The following CHEK1 variants were observed in gnomAD, a reference collection of about 807,000 sequenced individuals.
CHEK1 encodes checkpoint kinase 1, also known as serine/threonine-protein kinase Chk1.
Under a neutral mutation model 60.2 loss-of-function variants are expected in CHEK1, and 32 were observed. The observed-to-expected ratio is 0.53, with a 90% CI of 0.40 to 0.71. The LOEUF (loss-of-function observed/expected upper bound fraction) is 0.71. CHEK1 is among the 30% of genes least tolerant of loss of function. CHEK1 has a pLI of 0.00. For synonymous variants in CHEK1, 179 were observed against 187.2 expected (o/e 0.96, Z 0.36); for missense variants, 399 against 564.6 (o/e 0.71, Z 2.97).
At chr11:125,658,711 T>TTG (rs1941962602), downstream of CHEK1, among the ~76,000 whole-genome samples, 1 of 73,422 alleles carries the variant, frequency 1.4e-5, no homozygotes, top group Non-Finnish European at 2.7e-5. Flanking sequence ...TTTTTTTTTT[T>TTG]AAGAGTCTTG....
chr11:125,632,684 A>G (rs1940913224), intron 5 of CHEK1, among the ~76,000 whole-genome samples: 1 of 152,178 alleles, frequency 6.6e-6, no homozygotes, highest in Non-Finnish European at 1.5e-5. Flanking sequence ...CTTTGAAGAA[A>G]AAAATTACTG....
At chr11:125,657,599 C>T (rs143579826), downstream of CHEK1, among the ~76,000 whole-genome samples, 16 of 152,074 alleles carry the variant, frequency 1.1e-4, no homozygotes, top group African/African-American at 2.7e-4. Flanking sequence ...TTTTTATTAA[C>T]GAACTTTATA....
At position 125,629,299 on chromosome 11, in the gene CHEK1, A is replaced by T; in HGVS notation, c.354+3A>T. The T allele has an allele frequency of 6.2e-7, 1 of 1,614,100 alleles. No homozygotes were observed. Among genetic ancestry groups the T allele is most frequent in the Non-Finnish European group, 8.5e-7 (1 of 1,179,966 alleles). On this transcript the variant is annotated splice_donor_region_variant and intron_variant, in intron 4 of 12. Coordinates refer to ENST00000438015, the MANE Select transcript of CHEK1 (RefSeq NM_001114122.3). ...TCCATCAACTCATGGCAGGGGTGGT[A>T]GGTATAGTTGTCTATTTCCCTTTTA...
intron 11 of CHEK1, among the ~76,000 whole-genome samples, chr11:125,648,634 CTT>C (rs746598087): frequency 4.4e-4 from 60 of 136,288 alleles, no homozygotes; most frequent in Non-Finnish European, 4.9e-4. Flanking sequence ...AATTGTTTTA[CTT>C]TTTTTTTTTT....
At position 125,626,976 on chromosome 11, in the gene CHEK1, A is replaced by C; in HGVS notation, c.65+143A>C. ...TACACAGCCTTTTGCTAGGATTAAA[A>C]ATTTTTTCCTTCCCTTTAAAAAAAA... On this transcript the variant is annotated intron_variant, in intron 2 of 12. Coordinates refer to ENST00000438015, the MANE Select transcript of CHEK1 (RefSeq NM_001114122.3). 3 of 856,988 alleles carry C rather than the reference A, an allele frequency of 3.5e-6. No homozygotes were observed. The South Asian group carries it at 5.7e-5, about 16-fold the overall frequency. 53.1% of individuals were successfully genotyped at this position (856,988 alleles called of 1,614,324 possible).
Position 125,625,939 on chromosome 11 carries a change from G to C in CHEK1, c.-94G>C. ...GGCGCGGGTGCGCGAGTTTGCGGCA[G>C]CGTGACGCCCTCAAGTTTTGGCGGG... is the stretch of plus-strand genomic sequence containing the variant. On this transcript the variant is annotated 5_prime_UTR_variant, in exon 1 of 13. Transcript: ENST00000438015. 1.4e-6 allele frequency: 1 copy of C among 702,638 alleles called. No individual in the cohort carries two copies. The highest frequency in any genetic ancestry group is 2.6e-6 in the Non-Finnish European group (1 of 385,000). 43.5% of individuals were successfully genotyped at this position (702,638 alleles called of 1,614,324 possible). A position where few individuals can be genotyped will look rare whatever the true frequency, so the allele number is the denominator to read the frequency against.
chr11:125,626,570 A>G (rs1163893546), intron 1 of CHEK1, 179 bp from the exon 2 acceptor site: 1 of 589,614 alleles, frequency 1.7e-6, no homozygotes, highest in African/African-American at 1.9e-5. Context: ...TTTACACGAC[A>G]AAATGGTCAG....
Position 125,625,900 on chromosome 11 carries a change from C to G in CHEK1, c.-133C>G, listed in dbSNP as rs1452742433. The G allele has an allele frequency of 2.8e-6, 2 of 702,562 alleles. No individual in the cohort carries two copies. The highest frequency in any genetic ancestry group is 2.3e-4 in the Middle Eastern group (1 of 4,392). The allele number at this position is 702,562 out of a possible 1,614,324, so 43.5% of individuals were successfully genotyped here. A position where few individuals can be genotyped will look rare whatever the true frequency, so the allele number is the denominator to read the frequency against. On this transcript the variant is annotated 5_prime_UTR_variant, in exon 1 of 13. Coordinates refer to ENST00000438015, the MANE Select transcript of CHEK1 (RefSeq NM_001114122.3). ...GAGGGGCAGGACACGGGAACGCGCGCTGTCTTGCTTTACGGCGCGGGTGCG... is the reference window on the plus strand; with the variant it reads ...GAGGGGCAGGACACGGGAACGCGCGGTGTCTTGCTTTACGGCGCGGGTGCG...
downstream of CHEK1, among the ~76,000 whole-genome samples, chr11:125,677,259 C>T (rs1775599201): frequency 6.6e-6 from 1 of 152,196 alleles, no homozygotes; most frequent in South Asian, 2.1e-4. Context: ...TGTTTTCTTT[C>T]CCAGAACAAA....
downstream of CHEK1, among the ~76,000 whole-genome samples, chr11:125,676,912 A>G (rs561944417): frequency 6.6e-6 from 1 of 151,714 alleles, no homozygotes; most frequent in Admixed American, 6.6e-5. Flanking sequence ...ATGCTCTAAC[A>G]TTGCAAACCC....
downstream of CHEK1, chr11:125,678,323 A>G (rs774607851): frequency 1.2e-6 from 2 of 1,606,390 alleles, no homozygotes; most frequent in Non-Finnish European, 1.7e-6. Flanking sequence ...AACAGAAGAG[A>G]GTTGGTGAAG....
chr11:125,659,503 A>C (rs1417236800), downstream of CHEK1, among the ~76,000 whole-genome samples: 1 of 152,022 alleles, frequency 6.6e-6, no homozygotes, highest in Non-Finnish European at 1.5e-5. Context: ...TCATGCCACA[A>C]ATTTTTATGT....
chr11:125,648,886 T>G (rs1000406530), intron 11 of CHEK1, among the ~76,000 whole-genome samples: 4 of 152,192 alleles, frequency 2.6e-5, no homozygotes, highest in Non-Finnish European at 4.4e-5. Context: ...TTTTTCCCTT[T>G]ATTAATATAG....
chr11:125,634,515 C>T (rs1015481915), intron 6 of CHEK1, among the ~76,000 whole-genome samples: 10 of 151,568 alleles, frequency 6.6e-5, no homozygotes, highest in South Asian at 2.1e-4. Flanking sequence ...TTTTCACAGA[C>T]GGTCTCTCCA....
intron 12 of CHEK1, 119 bp from the exon 13 acceptor site, chr11:125,655,106 A>T (rs1565383040): frequency 4.4e-6 from 3 of 677,044 alleles, no homozygotes; most frequent in Non-Finnish European, 7.4e-6. Flanking sequence ...AGAAAATGGT[A>T]GCTAGACATA....
In CHEK1 at chr11:125,644,252, C is replaced by T. The variant is rs1462376220; in HGVS notation, c.1085C>T (p.Thr362Ile). 1 of 1,612,268 alleles carries T rather than the reference C, an allele frequency of 6.2e-7. No individual in the cohort carries two copies. Residue 362 changes from threonine to isoleucine, a missense_variant, in exon 10 of 13, where the codon ACC (threonine) becomes ATC (isoleucine). Physicochemically the swap from Thr to Ile is moderately conservative, Grantham distance 89. This residue lies in a region of CHEK1 where 370 missense variants were observed against 494.8 expected (regional missense o/e 0.75). Transcript: ENST00000438015. ...CTTTTGAATAGTCAGTTACTTGGCACCCCAGGATCCTCACAGGTGAGGGAA... is the reference window on the plus strand; with the variant it reads ...CTTTTGAATAGTCAGTTACTTGGCATCCCAGGATCCTCACAGGTGAGGGAA... ...HMLLNSQLLG[T>I]PGSSQNPWQR...
downstream of CHEK1, among the ~76,000 whole-genome samples, chr11:125,677,409 T>C (rs189565539): frequency 4.2e-4 from 64 of 152,344 alleles, no homozygotes; most frequent in South Asian, 0.01. Context: ...TGTAAAGTTA[T>C]AGCATTCTAA....
downstream of CHEK1, among the ~76,000 whole-genome samples, chr11:125,680,449 G>T (rs183874783): frequency 2.6e-5 from 4 of 152,274 alleles, no homozygotes; most frequent in South Asian, 8.3e-4. Flanking sequence ...GAACCCCTAA[G>T]CCTACTTTTT....
downstream of CHEK1, chr11:125,680,859 C>T: frequency 8.5e-7 from 1 of 1,177,506 alleles, no homozygotes; most frequent in South Asian, 1.3e-5. Context: ...CGAGCAAAAG[C>T]TTCCAGTGCT....
Sources: gnomAD v4.1 joint callset for allele counts (sites outside exome capture counted in the v4.1 genomes callset) on GRCh38, gnomAD v4.1.1 for gene constraint, gnomAD v4.1.1 regional missense constraint, MANE v1.5 for transcripts, NCBI Gene and HGNC (gene_info 2026-07-23, HGNC 2026-07-21) for gene names.